FAM163A: variants seen among roughly 807,000 people sequenced by gnomAD.
The protein encoded by FAM163A is family with sequence similarity 163 member A.
Under a neutral mutation model 12.0 loss-of-function variants are expected in FAM163A, and 7 were observed. The ratio of observed to expected loss-of-function variants is 0.58; its 90% CI spans 0.33 to 1.10. The LOEUF (loss-of-function observed/expected upper bound fraction) is 1.10. Ranked by LOEUF, FAM163A falls within the 50% of genes least tolerant of loss-of-function variation. FAM163A has a pLI of 0.03. For synonymous variants in FAM163A, 101 were observed against 91.0 expected (o/e 1.11, Z -0.62); for missense variants, 202 against 218.6 (o/e 0.92, Z 0.48).
At chr1:179,731,586 G>T in the FAM163A span, among the ~76,000 whole-genome samples, 1 of 152,206 alleles carries the variant, frequency 6.6e-6, no homozygotes, top group African/African-American at 2.4e-5. Context: ...AGTATAGGAA[G>T]AAAATGTTGA....
chr1:179,753,043 A>G (rs1685504261), intron 1 of FAM163A, among the ~76,000 whole-genome samples: 1 of 152,224 alleles, frequency 6.6e-6, no homozygotes, highest in Non-Finnish European at 1.5e-5. Context: ...GGAAACAACC[A>G]TATCCACTCT....
rs1429169100 is a variant in FAM163A, at chr1:179,815,239, A to C, written c.*1050A>C. 1 of 152,370 alleles carries C rather than the reference A, an allele frequency of 6.6e-6. No homozygotes were observed. The highest frequency in any genetic ancestry group is 1.5e-5 in the Non-Finnish European group (1 of 68,200). 9.4% of individuals were successfully genotyped at this position (152,370 alleles called of 1,614,324 possible). ...CATGTACCAGAGAAGGAAAAGTCTG[A>C]TCCCGAAACAGCTTGAACGAAAGGT... On this transcript the variant is annotated 3_prime_UTR_variant, in exon 5 of 5. Coordinates refer to ENST00000341785, the MANE Select transcript of FAM163A (RefSeq NM_173509.3).
intron 1 of FAM163A, among the ~76,000 whole-genome samples, chr1:179,755,815 C>T (rs548092153): frequency 6.6e-6 from 1 of 152,304 alleles, no homozygotes; most frequent in East Asian, 1.9e-4. Flanking sequence ...CCGAACTTAG[C>T]TGAGTCCTCA....
chr1:179,779,437 T>C lies in FAM163A; in HGVS notation c.-135-28361T>C, dbSNP rs945362810. On this transcript the variant is annotated intron_variant, in intron 1 of 4. Coordinates refer to ENST00000341785, the MANE Select transcript of FAM163A (RefSeq NM_173509.3). ...TGGCCCCTGATACTTTAATGAGAGCTGGTGGGATTTGGGACTGTGGGTGAC... is the reference window on the plus strand; with the variant it reads ...TGGCCCCTGATACTTTAATGAGAGCCGGTGGGATTTGGGACTGTGGGTGAC... Among the ~76,000 whole-genome samples, 6 of 152,128 alleles carry C rather than the reference T, an allele frequency of 3.9e-5. No individual in the cohort carries two copies. In the East Asian group the frequency reaches 1.2e-3, roughly 29 times the overall value.
intron 1 of FAM163A, among the ~76,000 whole-genome samples, chr1:179,763,085 G>A (rs1687031354): frequency 6.6e-6 from 1 of 152,154 alleles, no homozygotes; most frequent in Non-Finnish European, 1.5e-5. Context: ...TTCAGCTAAA[G>A]GCAAAAGAAA....
intron 1 of FAM163A, among the ~76,000 whole-genome samples, chr1:179,760,054 G>T (rs1468402387): frequency 6.6e-6 from 1 of 152,194 alleles, no homozygotes; most frequent in Admixed American, 6.5e-5. Context: ...GATGGGTGCA[G>T]ATTCATGTTT....
chr1:179,792,284 TG>T (rs1392490442), intron 1 of FAM163A, among the ~76,000 whole-genome samples: 6 of 5,620 alleles, frequency 1.1e-3, no homozygotes, highest in Admixed American at 9.6e-3. Flanking sequence ...CATATCTGAT[TG>T]TGTGTGTGTG....
At chr1:179,778,480 G>A (rs1478115311) in intron 1 of FAM163A, among the ~76,000 whole-genome samples, 2 of 152,228 alleles carry the variant, frequency 1.3e-5, no homozygotes, top group African/African-American at 4.8e-5. Context: ...ATGTGCTTAT[G>A]TGAGTCTGCA....
the FAM163A span, among the ~76,000 whole-genome samples, chr1:179,730,993 T>G: frequency 6.6e-6 from 1 of 152,202 alleles, no homozygotes; most frequent in African/African-American, 2.4e-5. Flanking sequence ...AGCCAGGTAC[T>G]TACTTTGGAA....
At chr1:179,728,915 G>A in the FAM163A span, among the ~76,000 whole-genome samples, 1 of 152,108 alleles carries the variant, frequency 6.6e-6, no homozygotes, top group East Asian at 1.9e-4. Flanking sequence ...CTGGGCATAT[G>A]TGCAGCATAT....
chr1:179,777,392 G>A (rs1689125177), intron 1 of FAM163A, among the ~76,000 whole-genome samples: 2 of 152,140 alleles, frequency 1.3e-5, no homozygotes, highest in Non-Finnish European at 2.9e-5. Flanking sequence ...ATTCTAACAT[G>A]TAAAAACATA....
intron 3 of FAM163A, 145 bp from the exon 4 acceptor site, chr1:179,812,931 G>A: frequency 1.4e-6 from 1 of 693,410 alleles, no homozygotes; most frequent in South Asian, 1.9e-5. Context: ...TCAGCCTTCA[G>A]GAAACCCCTG....
intron 1 of FAM163A, among the ~76,000 whole-genome samples, chr1:179,798,743 C>T (rs1692739232): frequency 6.6e-6 from 1 of 152,176 alleles, no homozygotes; most frequent in Non-Finnish European, 1.5e-5. Flanking sequence ...GAGAGCAGCT[C>T]AAAAATGTTC....
intron 1 of FAM163A, among the ~76,000 whole-genome samples, chr1:179,757,649 T>C (rs1243152998): frequency 6.6e-6 from 1 of 151,902 alleles, no homozygotes; most frequent in African/African-American, 2.4e-5. Flanking sequence ...CCATCTCTAT[T>C]AAAAATACAA....
At chr1:179,740,352 A>AT (rs568442103), upstream of FAM163A, among the ~76,000 whole-genome samples, 26 of 151,926 alleles carry the variant, frequency 1.7e-4, no homozygotes, top group South Asian at 4.8e-3. Context: ...CTAATTTTTC[A>AT]TTTTTTTATG....
intron 1 of FAM163A, among the ~76,000 whole-genome samples, chr1:179,746,882 A>C (rs959829194): frequency 6.6e-6 from 1 of 152,142 alleles, no homozygotes; most frequent in Non-Finnish European, 1.5e-5. Context: ...ACAGAGTTGT[A>C]CTTGGAAAGC....
the FAM163A span, among the ~76,000 whole-genome samples, chr1:179,735,595 C>T: frequency 6.9e-6 from 1 of 145,782 alleles, no homozygotes; most frequent in African/African-American, 2.5e-5. Flanking sequence ...GCTCTGCCTC[C>T]CGGGTTCACG....
the FAM163A span, among the ~76,000 whole-genome samples, chr1:179,734,364 T>C: frequency 6.6e-6 from 1 of 152,380 alleles, no homozygotes; most frequent in Non-Finnish European, 1.5e-5. Context: ...AAAACTTGAA[T>C]GCCAGATGGC....
At chr1:179,788,703 T>C (rs76229866) in intron 1 of FAM163A, among the ~76,000 whole-genome samples, 2,990 of 152,328 alleles carry the variant, frequency 0.02, 69 homozygotes, top group African/African-American at 0.051. Flanking sequence ...ATGCATGTTA[T>C]ATATCTGGTA....
Sources: gnomAD v4.1 joint callset for allele counts (sites outside exome capture counted in the v4.1 genomes callset) on GRCh38, gnomAD v4.1.1 for gene constraint, MANE v1.5 for transcripts, NCBI Gene and HGNC (gene_info 2026-07-23, HGNC 2026-07-21) for gene names.